The following PATJ variants were observed in gnomAD, a reference collection of about 807,000 sequenced individuals.
The protein encoded by PATJ is PATJ crumbs cell polarity complex component.
A neutral mutation model predicts 224.9 loss-of-function variants in PATJ; 190 were observed. The observed-to-expected ratio is 0.84, with a 90% CI of 0.75 to 0.95. PATJ has a LOEUF of 0.95. PATJ is among the 40% of genes least tolerant of loss of function. PATJ has a pLI of 0.00. For synonymous variants in PATJ, 769 were observed against 820.3 expected, an observed-to-expected ratio of 0.94 and a Z score of 1.07; for missense variants, 2,121 against 2,270.3, an observed-to-expected ratio of 0.93 and a Z score of 1.34.
chr1:62,088,220 T>G lies in PATJ; in HGVS notation c.4377+3572T>G, dbSNP rs150374222. Among the ~76,000 whole-genome samples, 1,229 of 152,282 alleles carry G rather than the reference T, an allele frequency of 8.1e-3. 14 individuals are homozygous for G. Among genetic ancestry groups the G allele is most frequent in the African/African-American group, 0.028 (1,162 of 41,542 alleles). ...CTTTGTAATTTTATGTCATCTGGTCTCTCAGCAGTTCACAGAAACACTTTG... is the reference window on the plus strand; with the variant it reads ...CTTTGTAATTTTATGTCATCTGGTCGCTCAGCAGTTCACAGAAACACTTTG... On this transcript the variant is annotated intron_variant, in intron 33 of 43. Coordinates refer to ENST00000642238, the MANE Select transcript of PATJ (RefSeq NM_001350145.3).
At chr1:62,120,876 A>G in intron 37 of PATJ, 1 of 304,376 alleles carries the variant, frequency 3.3e-6, no homozygotes, top group South Asian at 1.4e-4. Flanking sequence ...CAACCTAGGA[A>G]AATGGTTTTG....
intron 33 of PATJ, among the ~76,000 whole-genome samples, chr1:62,090,004 T>C (rs1031312638): frequency 1.3e-5 from 2 of 152,204 alleles, no homozygotes; most frequent in Non-Finnish European, 1.5e-5. Flanking sequence ...ATATTTTTGC[T>C]GTCTTTAGAG....
chr1:61,950,139 G>A (rs894842391), intron 27 of PATJ, among the ~76,000 whole-genome samples: 4 of 152,196 alleles, frequency 2.6e-5, no homozygotes, highest in Admixed American at 2.0e-4. Flanking sequence ...AGGAGGCGGA[G>A]GTTGCGGTGA....
At chr1:61,759,868 A>G (rs755345969) in intron 1 of PATJ, among the ~76,000 whole-genome samples, 7 of 152,254 alleles carry the variant, frequency 4.6e-5, no homozygotes, top group Admixed American at 6.5e-5. Context: ...CAGTGTCAGT[A>G]TACATTGTGT....
chr1:61,795,628 G>A (rs925690154), intron 10 of PATJ, 70 bp downstream of exon 10: 2 of 880,324 alleles, frequency 2.3e-6, no homozygotes, highest in Admixed American at 2.0e-5. Context: ...TATAATACAT[G>A]TGAGAGGGGG....
chr1:61,871,307 G>T (rs1247404724), intron 20 of PATJ, among the ~76,000 whole-genome samples: 1 of 146,320 alleles, frequency 6.8e-6, no homozygotes, highest in Non-Finnish European at 1.5e-5. Context: ...TGCCACCCAG[G>T]TTCAAGCGAT....
At chr1:61,868,678 A>C (rs1333884731) in intron 20 of PATJ, among the ~76,000 whole-genome samples, 1 of 152,016 alleles carries the variant, frequency 6.6e-6, no homozygotes, top group East Asian at 1.9e-4. Context: ...GGTTCCAGCT[A>C]CTCGGGAGGC....
chr1:62,063,227 A>C lies in PATJ; in HGVS notation c.4125+12169A>C, dbSNP rs1454295359. On this transcript the variant is annotated intron_variant, in intron 31 of 43. Coordinates refer to ENST00000642238, the MANE Select transcript of PATJ (RefSeq NM_001350145.3). ...CAGTTTAATTCTTCTGCAAATGGAT[A>C]GCTGGTTATCCCAGCACAATTTATT... Among the ~76,000 whole-genome samples, 3 of 152,376 alleles carry C rather than the reference A, an allele frequency of 2.0e-5. No homozygotes were observed. The East Asian group carries it at 5.8e-4, about 29-fold the overall frequency.
chr1:61,775,076 C>A (rs1646838710), intron 6 of PATJ, 130 bp from the exon 7 acceptor site: 1 of 909,964 alleles, frequency 1.1e-6, no homozygotes, highest in Non-Finnish European at 1.7e-6. Flanking sequence ...GCCTGTAGAA[C>A]ATTGCCTTGA....
intron 31 of PATJ, among the ~76,000 whole-genome samples, chr1:62,052,129 T>C (rs761173168): frequency 1.3e-5 from 2 of 152,170 alleles, no homozygotes; most frequent in Non-Finnish European, 2.9e-5. Context: ...TGTTTAAAAA[T>C]GTCCTACAAA....
At chr1:62,066,432 G>A (rs1656446537) in intron 31 of PATJ, among the ~76,000 whole-genome samples, 1 of 151,268 alleles carries the variant, frequency 6.6e-6, no homozygotes. Flanking sequence ...CGCCCAGGTT[G>A]GAACGCAGTG....
At chr1:62,055,755 G>A (rs985269900) in intron 31 of PATJ, among the ~76,000 whole-genome samples, 1 of 152,164 alleles carries the variant, frequency 6.6e-6, no homozygotes, top group Non-Finnish European at 1.5e-5. Context: ...AATTACTAAT[G>A]TATTAGGGTT....
chr1:62,014,301 C>T (rs983838488), intron 28 of PATJ, among the ~76,000 whole-genome samples: 2 of 151,890 alleles, frequency 1.3e-5, no homozygotes, highest in South Asian at 4.2e-4. Context: ...AGTGATCCTC[C>T]TGTCTCAGCC....
intron 42 of PATJ, among the ~76,000 whole-genome samples, chr1:62,149,065 T>A: frequency 6.7e-6 from 1 of 150,298 alleles, no homozygotes; most frequent in Non-Finnish European, 1.5e-5. Context: ...GAGGTGGAAG[T>A]TGCAGTGAGC....
At chr1:61,799,894 C>A (rs939338801) in intron 11 of PATJ, among the ~76,000 whole-genome samples, 7 of 152,126 alleles carry the variant, frequency 4.6e-5, no homozygotes, top group African/African-American at 1.4e-4. Flanking sequence ...TAATTTCATT[C>A]TTTTTATGCC....
intron 17 of PATJ, among the ~76,000 whole-genome samples, chr1:61,853,296 G>C (rs1351510914): frequency 6.6e-6 from 1 of 152,048 alleles, no homozygotes; most frequent in Non-Finnish European, 1.5e-5. Context: ...TATCAATTCA[G>C]TGGGTTGCAT....
intron 29 of PATJ, among the ~76,000 whole-genome samples, chr1:62,034,262 G>C (rs931163760): frequency 1.3e-5 from 2 of 151,974 alleles, no homozygotes; most frequent in African/African-American, 4.8e-5. Flanking sequence ...GGCCAACATG[G>C]TGATACTCCA....
At chr1:61,771,800 A>C (rs994728146) in intron 6 of PATJ, among the ~76,000 whole-genome samples, 174 bp downstream of exon 6, 3 of 151,660 alleles carry the variant, frequency 2.0e-5, no homozygotes, top group Admixed American at 1.3e-4. Context: ...GCTCACTGCA[A>C]CCTCCACCTC....
chr1:61,817,414 A>C (rs1656338497), intron 14 of PATJ, among the ~76,000 whole-genome samples: 1 of 152,194 alleles, frequency 6.6e-6, no homozygotes, highest in Admixed American at 6.5e-5. Context: ...CTGTAATCCT[A>C]GCACTTTGGG....
Sources: allele counts gnomAD v4.1 joint callset (sites outside exome capture counted in the v4.1 genomes callset), GRCh38; gene constraint gnomAD v4.1.1; transcripts MANE v1.5; gene names NCBI Gene and HGNC (gene_info 2026-07-23, HGNC 2026-07-21).